LYPD6B: variants seen among roughly 807,000 people sequenced by gnomAD.
LYPD6B encodes LY6/PLAUR domain containing 6B, also known as ly6/PLAUR domain-containing protein 6B.
A neutral mutation model predicts 22.8 loss-of-function variants in LYPD6B; 17 were observed. The observed-to-expected ratio is 0.75, with a 90% CI of 0.51 to 1.12. LYPD6B has a LOEUF of 1.12. Ranked by LOEUF, LYPD6B falls within the 50% of genes most tolerant of loss-of-function variation. The probability of loss-of-function intolerance (pLI) is 0.00; values close to 1 mark genes in which losing one functional copy is unlikely to be tolerated. For synonymous variants in LYPD6B, 106 were observed against 91.6 expected, an observed-to-expected ratio of 1.16 and a Z score of -0.90; for missense variants, 221 against 258.3, an observed-to-expected ratio of 0.86 and a Z score of 0.99.
rs1461046753 is a variant in LYPD6B, at chr2:149,127,684, T to G, written c.-66-3199T>G. Among the ~76,000 whole-genome samples the G allele has an allele frequency of 2.0e-5, 3 of 152,222 alleles. No homozygotes were observed. In the East Asian group the frequency reaches 5.8e-4, roughly 29 times the overall value. On this transcript the variant is annotated intron_variant, in intron 1 of 6. Coordinates refer to ENST00000409642, the MANE Select transcript of LYPD6B (RefSeq NM_177964.5). ...GGTGGTCATAAATGCATTATAAGAT[T>G]GTTGTATTTCCCCAGGATCCTGTTA...
chr2:149,154,003 C>T, intron 2 of LYPD6B: 1 of 909,892 alleles, frequency 1.1e-6, no homozygotes, highest in South Asian at 5.1e-5. Context: ...CAGCCTGGCT[C>T]CTGACTAGGA....
chr2:149,096,513 G>T (rs1222499308), intron 1 of LYPD6B, among the ~76,000 whole-genome samples: 1 of 152,156 alleles, frequency 6.6e-6, no homozygotes, highest in Non-Finnish European at 1.5e-5. Context: ...TTCAGATCCT[G>T]AATTGGGTCC....
In LYPD6B at chr2:149,138,362, A is replaced by T. The variant is rs1575044186; in HGVS notation, c.5+7409A>T. On this transcript the variant is annotated intron_variant, in intron 2 of 6. Transcript: ENST00000409642. The stretch of plus-strand genomic sequence containing the variant: ...GGCCCAACCAGTTTGAATGAATGTG[A>T]CTCCATAGTATGTTCATGTTGGCTG... Among the ~76,000 whole-genome samples, 4 of 152,194 alleles carry T rather than the reference A, an allele frequency of 2.6e-5. No individual in the cohort carries two copies. The East Asian group carries it at 7.7e-4, about 29-fold the overall frequency.
intron 5 of LYPD6B, among the ~76,000 whole-genome samples, chr2:149,211,149 A>C (rs1017519276): frequency 5.3e-5 from 8 of 152,170 alleles, no homozygotes; most frequent in African/African-American, 1.9e-4. Context: ...ATGAGAACTC[A>C]CTATCACAAG....
At chr2:149,206,110 C>A (rs920265780) in intron 4 of LYPD6B, 4 of 415,446 alleles carry the variant, frequency 9.6e-6, no homozygotes, top group South Asian at 1.9e-5. Context: ...GTAGTTCCCA[C>A]GCCTGGAAGA....
intron 3 of LYPD6B, among the ~76,000 whole-genome samples, chr2:149,174,822 A>ATATG (rs1691144726): frequency 1.3e-5 from 2 of 152,116 alleles, no homozygotes; most frequent in Admixed American, 1.3e-4. Context: ...ATCAGGAAGA[A>ATATG]TATGGATACT....
At chr2:149,051,033 A>G (rs1158388361) in intron 1 of LYPD6B, among the ~76,000 whole-genome samples, 1 of 151,816 alleles carries the variant, frequency 6.6e-6, no homozygotes, top group East Asian at 1.9e-4. Context: ...TTTATTCTAA[A>G]CATATATGTA....
chr2:149,162,346 A>C (rs1690127245), intron 3 of LYPD6B, among the ~76,000 whole-genome samples: 1 of 152,170 alleles, frequency 6.6e-6, no homozygotes, highest in African/African-American at 2.4e-5. Flanking sequence ...CACCTTTTAT[A>C]GTTGAGGAAA....
intron 2 of LYPD6B, 22 bp downstream of exon 2, chr2:149,130,975 G>A (rs1273843441): frequency 3.2e-6 from 5 of 1,557,496 alleles, no homozygotes; most frequent in Non-Finnish European, 4.4e-6. Flanking sequence ...ATTCACAAGT[G>A]GATGTAGAGA....
intron 1 of LYPD6B, among the ~76,000 whole-genome samples, chr2:149,098,765 C>CTTTT (rs10658424): frequency 1.8e-4 from 25 of 140,102 alleles, no homozygotes; most frequent in African/African-American, 5.0e-4. Flanking sequence ...TGTGCTTTTT[C>CTTTT]TTTTTTTTTT....
chr2:149,042,852 A>T (rs975539073), intron 1 of LYPD6B, among the ~76,000 whole-genome samples: 3 of 152,226 alleles, frequency 2.0e-5, no homozygotes, highest in Admixed American at 6.5e-5. Context: ...GGTTTTGGGC[A>T]AAAAGGACAG....
chr2:149,083,723 G>C (rs1365853897), intron 1 of LYPD6B, among the ~76,000 whole-genome samples: 1 of 152,124 alleles, frequency 6.6e-6, no homozygotes, highest in Non-Finnish European at 1.5e-5. Flanking sequence ...ATGGCACGAT[G>C]TGCTGCTGTC....
Position 149,085,483 on chromosome 2 carries a change from C to G in LYPD6B, c.-66-45400C>G, listed in dbSNP as rs559036759. On this transcript the variant is annotated intron_variant, in intron 1 of 6. Coordinates refer to ENST00000409642, the MANE Select transcript of LYPD6B (RefSeq NM_177964.5). Reference sequence around the variant, plus strand: ...GCTTAATAGAATTGTTTATTTTTTTCCAGTTTTGACTTTTCTTTGGGGTTT... The same window carrying G: ...GCTTAATAGAATTGTTTATTTTTTTGCAGTTTTGACTTTTCTTTGGGGTTT... 2.0e-5 allele frequency among the ~76,000 whole-genome samples: 3 copies of G among 152,294 alleles called. No homozygotes were observed. In the East Asian group the frequency reaches 5.8e-4, roughly 29 times the overall value.
intron 1 of LYPD6B, among the ~76,000 whole-genome samples, chr2:149,091,999 T>A (rs1418979896): frequency 1.4e-5 from 2 of 139,606 alleles, no homozygotes; most frequent in Non-Finnish European, 3.1e-5. Flanking sequence ...TTGTCCAGAT[T>A]GGGCTGCGGG....
chr2:149,064,635 G>T (rs935517834), intron 1 of LYPD6B, among the ~76,000 whole-genome samples: 1 of 152,210 alleles, frequency 6.6e-6, no homozygotes, highest in African/African-American at 2.4e-5. Flanking sequence ...CACACAACAA[G>T]TTAACAGTAG....
Position 149,172,392 on chromosome 2 carries a change from A to T in LYPD6B, c.77+11557A>T, listed in dbSNP as rs922340879. The stretch of plus-strand genomic sequence containing the variant: ...CTTACATTAAGGTATCAGCAGCAGG[A>T]TCTCCTCCTTCAGACCAGTCATCAT... On this transcript the variant is annotated intron_variant, in intron 3 of 6. Coordinates refer to ENST00000409642, the MANE Select transcript of LYPD6B (RefSeq NM_177964.5). 2.0e-5 allele frequency among the ~76,000 whole-genome samples: 3 copies of T among 152,066 alleles called. No individual in the cohort carries two copies. The East Asian group carries it at 5.8e-4, about 29-fold the overall frequency.
At chr2:149,129,088 T>C (rs978786574) in intron 1 of LYPD6B, among the ~76,000 whole-genome samples, 6 of 152,138 alleles carry the variant, frequency 3.9e-5, no homozygotes, top group Admixed American at 2.6e-4. Flanking sequence ...ATTTGTGGGG[T>C]TGCTTGCATG....
chr2:149,154,695 G>T (rs1425235084), intron 2 of LYPD6B, among the ~76,000 whole-genome samples: 1 of 151,964 alleles, frequency 6.6e-6, no homozygotes, highest in Non-Finnish European at 1.5e-5. Context: ...GTGGGGTGGT[G>T]TGGGGAGAGT....
In LYPD6B at chr2:149,056,310, A is replaced by G. The variant is rs74399979; in HGVS notation, c.-67+17509A>G. On this transcript the variant is annotated intron_variant, in intron 1 of 6. Transcript: ENST00000409642. ...CCCAAAGATGAATGAAACACAGGCC[A>G]TGTCCCCAGGGTGCTCATGGAGGGG... is the stretch of plus-strand genomic sequence containing the variant. 2.4e-3 allele frequency among the ~76,000 whole-genome samples: 373 copies of G among 152,296 alleles called. 8 individuals are homozygous for G. In the East Asian group the frequency reaches 0.059, roughly 24 times the overall value.
Sources: allele counts gnomAD v4.1 joint callset (sites outside exome capture counted in the v4.1 genomes callset), GRCh38; gene constraint gnomAD v4.1.1; transcripts MANE v1.5; gene names NCBI Gene and HGNC (gene_info 2026-07-23, HGNC 2026-07-21).